Variants in RAP1GAP2 observed in about 807,000 individuals in gnomAD.
RAP1GAP2 encodes RAP1 GTPase activating protein 2, also known as rap1 GTPase-activating protein 2.
Under a neutral mutation model 95.0 loss-of-function variants are expected in RAP1GAP2, and 27 were observed. That is an observed-to-expected ratio of 0.28 (90% confidence interval 0.21 to 0.39). The LOEUF is 0.39. Ranked by LOEUF, RAP1GAP2 falls within the 10% of genes least tolerant of loss-of-function variation. The pLI is 1.00. For synonymous variants in RAP1GAP2, 373 were observed against 380.9 expected (o/e 0.98, Z 0.24); for missense variants, 771 against 970.0 (o/e 0.79, Z 2.72).
At chr17:2,860,938 C>T (rs2072358792) in intron 2 of RAP1GAP2, among the ~76,000 whole-genome samples, 1 of 152,110 alleles carries the variant, frequency 6.6e-6, no homozygotes, top group African/African-American at 2.4e-5. Context: ...GAAATCCCAA[C>T]TCCATAGTCC....
intron 2 of RAP1GAP2, among the ~76,000 whole-genome samples, chr17:2,899,826 A>C (rs1206608511): frequency 6.6e-6 from 1 of 152,166 alleles, no homozygotes; most frequent in African/African-American, 2.4e-5. Context: ...TTTATTTTTG[A>C]AAATTAATTA....
chr17:2,874,532 A>G (rs920683498), intron 2 of RAP1GAP2, among the ~76,000 whole-genome samples: 3 of 152,144 alleles, frequency 2.0e-5, no homozygotes, highest in African/African-American at 7.2e-5. Flanking sequence ...TATTCAGTGT[A>G]TGTGCATAAG....
intron 3 of RAP1GAP2, among the ~76,000 whole-genome samples, chr17:2,927,687 G>T (rs530339007): frequency 1.3e-5 from 2 of 152,200 alleles, no homozygotes; most frequent in Non-Finnish European, 2.9e-5. Context: ...GTGTTGGGGG[G>T]CAGTATTTGG....
rs139766156 is a variant in RAP1GAP2 at position 2,969,794 on chromosome 17, G to A, written c.596+4151G>A. On this transcript the variant is annotated intron_variant, in intron 8 of 24. Transcript: ENST00000254695. ...GCTGGGATTACAGGCGTGAGTCACC[G>A]CGTCTGGCCTAAATATATATATTCT... is the stretch of plus-strand genomic sequence containing the variant. Among the ~76,000 whole-genome samples, 520 of 151,916 alleles carry A rather than the reference G, an allele frequency of 3.4e-3. 6 individuals carry two copies. The highest frequency in any genetic ancestry group is 0.013 in the South Asian group (64 of 4,816).
intron 1 of RAP1GAP2, among the ~76,000 whole-genome samples, chr17:2,787,889 A>G (rs749441871): frequency 6.6e-6 from 1 of 152,182 alleles, no homozygotes; most frequent in African/African-American, 2.4e-5. Context: ...TTAAAACTTG[A>G]ACTTTTAGCA....
At chr17:2,803,448 C>A (rs1034041086) in intron 2 of RAP1GAP2, among the ~76,000 whole-genome samples, 1 of 152,190 alleles carries the variant, frequency 6.6e-6, no homozygotes, top group Non-Finnish European at 1.5e-5. Context: ...GAACCAGGAA[C>A]TGGAAACCCG....
chr17:2,762,390 T>C (rs8066277), intron 1 of RAP1GAP2, among the ~76,000 whole-genome samples: 9,664 of 149,640 alleles, frequency 0.065, 1,021 homozygotes, highest in African/African-American at 0.22. Context: ...AAGTTTCTTT[T>C]TTCTTTCTTT....
chr17:2,780,909 C>G (rs1278977226), intron 1 of RAP1GAP2, among the ~76,000 whole-genome samples: 1 of 152,212 alleles, frequency 6.6e-6, no homozygotes, highest in East Asian at 1.9e-4. Context: ...TGCCTCATGT[C>G]TGATCTCAGC....
At chr17:2,831,299 A>G (rs189240952) in intron 2 of RAP1GAP2, among the ~76,000 whole-genome samples, 20 of 149,078 alleles carry the variant, frequency 1.3e-4, no homozygotes, top group African/African-American at 4.9e-4. Context: ...CTGGTCTTGA[A>G]CTCCTGACCT....
Position 3,008,258 on chromosome 17 carries a change from G to T in RAP1GAP2, c.1494+113G>T. ...CAGAGCCCAAGGGCCAGCTGGAGGG[G>T]TGACAGGAAACGTATGGGTATCCTA... is the stretch of plus-strand genomic sequence containing the variant. On this transcript the variant is annotated intron_variant, in intron 17 of 24. Coordinates refer to ENST00000254695, the MANE Select transcript of RAP1GAP2 (RefSeq NM_015085.5). The surrounding 1 kb of genome is among the most constrained non-coding windows in gnomAD (Gnocchi z 4.2). 6.7e-7 allele frequency: 1 copy of T among 1,484,140 alleles called. No individual in the cohort carries two copies. The highest frequency in any genetic ancestry group is 2.0e-4 in the Middle Eastern group (1 of 4,884). The allele number at this position is 1,484,140 out of a possible 1,614,324, so 91.9% of individuals were successfully genotyped here.
intron 11 of RAP1GAP2, among the ~76,000 whole-genome samples, chr17:2,990,363 C>T (rs538281386): frequency 3.9e-5 from 6 of 152,110 alleles, no homozygotes; most frequent in Admixed American, 6.5e-5. Flanking sequence ...GGCACATGCC[C>T]GGGAGCAAAG....
rs2044554527 is a variant in RAP1GAP2 at position 2,965,548 on chromosome 17, A to G, written c.501A>G (p.Leu167=). 5 of 1,610,814 alleles carry G rather than the reference A, an allele frequency of 3.1e-6. No individual in the cohort carries two copies. Among genetic ancestry groups the G allele is most frequent in the Non-Finnish European group, 3.4e-6 (4 of 1,178,616 alleles). The change falls in exon 8 of 25, where the codon CTA becomes CTG. Residue 167 remains leucine (L), a synonymous_variant. Coordinates refer to ENST00000254695, the MANE Select transcript of RAP1GAP2 (RefSeq NM_015085.5). This position sits in a 1 kb window ranked among gnomAD's most constrained non-coding sequence, Gnocchi z 4.7. The part of the protein sequence containing the change: ...YRRHFLGKDH[L]NFYCTGSSLG... ...TCAGTTTCTTTTTTTAGGATCATCT[A>G]AACTTTTACTGTACCGGCAGCAGCC...
chr17:2,810,146 C>A (rs1339928164), intron 2 of RAP1GAP2, among the ~76,000 whole-genome samples: 1 of 151,554 alleles, frequency 6.6e-6, no homozygotes, highest in Non-Finnish European at 1.5e-5. Context: ...AGGGCTGAGG[C>A]CCTGGTGAAG....
At chr17:2,930,166 C>T (rs868008565) in intron 3 of RAP1GAP2, among the ~76,000 whole-genome samples, 52 of 152,258 alleles carry the variant, frequency 3.4e-4, no homozygotes, top group African/African-American at 1.2e-3. Flanking sequence ...CCTCATCCAT[C>T]GCTGGCTGGG....
chr17:2,938,971 A>G (rs1260332408), intron 3 of RAP1GAP2, among the ~76,000 whole-genome samples: 1 of 152,182 alleles, frequency 6.6e-6, no homozygotes, highest in Non-Finnish European at 1.5e-5. Flanking sequence ...GGGCAACAAG[A>G]GTGAAACTCC....
At chr17:2,771,235 C>T (rs1207571678) in intron 2 of RAP1GAP2, among the ~76,000 whole-genome samples, 1 of 152,116 alleles carries the variant, frequency 6.6e-6, no homozygotes, top group Non-Finnish European at 1.5e-5. Flanking sequence ...CGCCTCCTTT[C>T]CCATGCCAGA....
At position 3,008,050 on chromosome 17, in the gene RAP1GAP2, G is replaced by A. The variant is rs762672653; in HGVS notation, c.1399G>A (p.Glu467Lys). ...RAALLDNLHD[E>K]LHAHTQAMLG... ...TGCCCTCCTGGACAACCTTCACGAT[G>A]AGCTCCACGCCCACACACAGGCCAT... The change falls in exon 17 of 25, where the codon GAG becomes AAG. Residue 467 changes from glutamate (E) to lysine (K), a missense_variant. Coordinates refer to ENST00000254695, the MANE Select transcript of RAP1GAP2 (RefSeq NM_015085.5). The surrounding 1 kb of genome is among the most constrained non-coding windows in gnomAD (Gnocchi z 4.2). 2 of 1,613,938 alleles carry A rather than the reference G, an allele frequency of 1.2e-6. No homozygotes were observed. Among genetic ancestry groups the A allele is most frequent in the South Asian group, 2.2e-5 (2 of 91,080 alleles).
chr17:2,977,746 TAAAAAAAAAAAAAA>T (rs35219186), intron 8 of RAP1GAP2, among the ~76,000 whole-genome samples: 1 of 76,856 alleles, frequency 1.3e-5, no homozygotes, highest in African/African-American at 5.6e-5. Context: ...GACTCCGTCT[TAAAAAAAAAAAAAA>T]AAAAAAAAAA....
chr17:2,776,333 G>A (rs999449255), upstream of RAP1GAP2, among the ~76,000 whole-genome samples: 3 of 152,196 alleles, frequency 2.0e-5, no homozygotes, highest in African/African-American at 4.8e-5. Flanking sequence ...TAGATCAGGA[G>A]CCCCCAGGCC....
Sources: allele counts gnomAD v4.1 joint callset (sites outside exome capture counted in the v4.1 genomes callset), GRCh38; gene constraint gnomAD v4.1.1; non-coding constraint Gnocchi (gnomAD v3.1); transcripts MANE v1.5; gene names NCBI Gene and HGNC (gene_info 2026-07-23, HGNC 2026-07-21).